The following GAS6 variants were observed in gnomAD, a reference collection of about 807,000 sequenced individuals.
GAS6 encodes growth arrest-specific protein 6.
GAS6 carries 41 observed loss-of-function variants against 75.8 expected under a neutral mutation model. The observed-to-expected ratio is 0.54, with a 90% CI of 0.42 to 0.70. GAS6 has a LOEUF of 0.70. Among genes scored for constraint, GAS6 ranks in the 30% least tolerant of loss-of-function variants. GAS6 has a pLI of 0.00. For missense variants in GAS6, 854 were observed against 940.2 expected (o/e 0.91, Z 1.20); for synonymous variants, 432 against 412.6 (o/e 1.05, Z -0.57).
At chr13:113,838,036 A>T (rs760269915) in intron 6 of GAS6, 33 bp downstream of exon 6, 1 of 1,608,614 alleles carries the variant, frequency 6.2e-7, no homozygotes, top group East Asian at 2.2e-5. Flanking sequence ...TGGGGAGAGG[A>T]GAGAGGAGAG....
intron 2 of GAS6, among the ~76,000 whole-genome samples, chr13:113,861,073 G>A (rs774378764): frequency 6.6e-6 from 1 of 151,684 alleles, no homozygotes; most frequent in Admixed American, 6.6e-5. Context: ...GCTGCACAGC[G>A]GGTGCTTCCG....
chr13:113,863,441 C>G lies in GAS6; in HGVS notation c.255+134G>C. On this transcript the variant is annotated intron_variant, in intron 2 of 14. Coordinates refer to ENST00000327773, the MANE Select transcript of GAS6 (RefSeq NM_000820.4). The surrounding 1 kb of genome is among the most constrained non-coding windows in gnomAD (Gnocchi z 9.4). ...ATGGGCGTGGGGGACGCGGGGCGGG[C>G]CGGGGCTCCTGGGACCCTGAGGCCA... is the stretch of plus-strand genomic sequence containing the variant. 3 of 824,280 alleles carry G rather than the reference C, an allele frequency of 3.6e-6. No homozygotes were observed. Among genetic ancestry groups the G allele is most frequent in the Non-Finnish European group, 5.0e-6 (3 of 602,728 alleles). 51.1% of individuals were successfully genotyped at this position (824,280 alleles called of 1,614,324 possible).
intron 4 of GAS6, 38 bp downstream of exon 4, chr13:113,846,487 CCA>C: frequency 6.3e-7 from 1 of 1,596,026 alleles, no homozygotes; most frequent in Non-Finnish European, 8.6e-7. Flanking sequence ...CCGCCCAAAC[CCA>C]CAGTGCTCCC....
At chr13:113,828,952 C>T (rs1343272623) in intron 10 of GAS6, among the ~76,000 whole-genome samples, 3 of 122,090 alleles carry the variant, frequency 2.5e-5, no homozygotes, top group African/African-American at 4.1e-5. Context: ...AAGAGGGTCC[C>T]GACCTCAGGG....
chr13:113,832,128 C>G (rs1404037991), intron 10 of GAS6, among the ~76,000 whole-genome samples, 171 bp downstream of exon 10: 1 of 150,328 alleles, frequency 6.7e-6, no homozygotes, highest in Non-Finnish European at 1.5e-5. Flanking sequence ...GGGCAGGGGT[C>G]CCCGTCTCCC....
At chr13:113,840,160 G>A in intron 4 of GAS6, 1 of 357,070 alleles carries the variant, frequency 2.8e-6, no homozygotes, top group South Asian at 3.4e-5. Flanking sequence ...AGGCCTGGGA[G>A]CTCAGACCTC....
At chr13:113,859,352 CTG>C (rs1329066273) in intron 2 of GAS6, among the ~76,000 whole-genome samples, 12 of 144,590 alleles carry the variant, frequency 8.3e-5, no homozygotes, top group South Asian at 2.3e-4. Flanking sequence ...GTGTACATGT[CTG>C]TGTGACTGTA....
At chr13:113,854,077 C>T (rs368562113) in intron 2 of GAS6, among the ~76,000 whole-genome samples, 2 of 152,216 alleles carry the variant, frequency 1.3e-5, no homozygotes, top group African/African-American at 2.4e-5. Context: ...TGCCCATCTG[C>T]ACCCAGGGTC....
At position 113,835,561 on chromosome 13, in the gene GAS6, G is replaced by A. The variant is rs1355739162; in HGVS notation, c.664C>T (p.Leu222Phe). 6.2e-7 allele frequency: 1 copy of A among 1,612,518 alleles called. No individual in the cohort carries two copies. The highest frequency in any genetic ancestry group is 1.3e-5 in the African/African-American group (1 of 74,936). The change falls in exon 7 of 15, where the codon CTC (leucine) becomes TTC (phenylalanine). Residue 222 changes from leucine (L) to phenylalanine (F), a missense_variant. Leu to Phe is a conservative substitution (Grantham distance 22, BLOSUM62 0). Transcript: ENST00000327773. ...CKNLPGSYSC[L>F]CDEGFAYSSQ... The stretch of plus-strand genomic sequence containing the variant: ...CTGTACGCAAAGCCCTCGTCACAGA[G>A]GCAGGAGTAGGAGCCGGGCAGGTTC...
intron 11 of GAS6, among the ~76,000 whole-genome samples, chr13:113,828,312 G>A (rs2051580543): frequency 6.6e-6 from 1 of 152,160 alleles, no homozygotes; most frequent in Non-Finnish European, 1.5e-5. Context: ...TTGAAAAATA[G>A]ACAACTTTAT....
At chr13:113,847,439 G>A (rs1378453201) in intron 3 of GAS6, among the ~76,000 whole-genome samples, 1 of 151,914 alleles carries the variant, frequency 6.6e-6, no homozygotes, top group Non-Finnish European at 1.5e-5. Flanking sequence ...CTAAGATGGT[G>A]TCAGTTAAAC....
In GAS6 at chr13:113,820,788, A is replaced by G; in HGVS notation, c.*76T>C. ...AAAGCCCAGCTCTCAGCATGGCCCC[A>G]CGTGGTGAGGAGCCCCCAGGCTCCT... is the stretch of plus-strand genomic sequence containing the variant. On this transcript the variant is annotated 3_prime_UTR_variant, in exon 15 of 15. Coordinates refer to ENST00000327773, the MANE Select transcript of GAS6 (RefSeq NM_000820.4). The G allele has an allele frequency of 6.7e-7, 1 of 1,483,890 alleles. No homozygotes were observed. Among genetic ancestry groups the G allele is most frequent in the Non-Finnish European group, 9.1e-7 (1 of 1,097,870 alleles). 91.9% of individuals were successfully genotyped at this position (1,483,890 alleles called of 1,614,324 possible). A position where few individuals can be genotyped will look rare whatever the true frequency, so the allele number is the denominator to read the frequency against.
At position 113,820,689 on chromosome 13, in the gene GAS6, A is replaced by G; in HGVS notation, c.*175T>C. 1.4e-6 allele frequency: 1 copy of G among 729,466 alleles called. No homozygotes were observed. The highest frequency in any genetic ancestry group is 2.2e-6 in the Non-Finnish European group (1 of 461,360). The allele number at this position is 729,466 out of a possible 1,614,324, so 45.2% of individuals were successfully genotyped here. A position where few individuals can be genotyped will look rare whatever the true frequency, so the allele number is the denominator to read the frequency against. On this transcript the variant is annotated 3_prime_UTR_variant, in exon 15 of 15. Coordinates refer to ENST00000327773, the MANE Select transcript of GAS6 (RefSeq NM_000820.4). ...CTCCCCGCGCCCGGGCCCACGGCTG[A>G]GTGCGCGGCGTCAGAGGCCCCAAGT...
At chr13:113,829,732 T>G (rs1011602857) in intron 10 of GAS6, among the ~76,000 whole-genome samples, 3 of 116,106 alleles carry the variant, frequency 2.6e-5, no homozygotes, top group Non-Finnish European at 5.3e-5. Context: ...AAGAGGGACC[T>G]GACCTCAGGG....
Position 113,822,186 on chromosome 13 carries a change from G to T in GAS6, c.1654C>A (p.Leu552Met). ...YHSTKKLKKQLVVLAVEHTAL... is the reference protein window; with the variant it reads ...YHSTKKLKKQMVVLAVEHTAL... ...GTATGCTCCACGGCCAGGACCACCA[G>T]CTGCAGGAGACCGAGGTGTGGTCAG... is the stretch of plus-strand genomic sequence containing the variant. The change falls in exon 14 of 15, where the codon CTG (leucine) becomes ATG (methionine). Residue 552 changes from leucine to methionine, a missense_variant and splice_region_variant. By Grantham distance (15) the Leu-to-Met change is conservative. Transcript: ENST00000327773. The T allele has an allele frequency of 6.5e-7, 1 of 1,539,360 alleles. No homozygotes were observed. Among genetic ancestry groups the T allele is most frequent in the Non-Finnish European group, 8.8e-7 (1 of 1,136,226 alleles).
chr13:113,823,573 T>C (rs759722080), intron 12 of GAS6, 23 bp from the exon 13 acceptor site: 1 of 1,596,258 alleles, frequency 6.3e-7, no homozygotes, highest in Non-Finnish European at 8.6e-7. Flanking sequence ...CGGTGCATTA[T>C]AGGGTGGTAT....
At chr13:113,838,032 G>C (rs1371000152) in intron 6 of GAS6, 37 bp downstream of exon 6, 22 of 1,607,582 alleles carry the variant, frequency 1.4e-5, no homozygotes, top group Non-Finnish European at 1.8e-5. Context: ...AAGGTGGGGA[G>C]AGGAGAGAGG....
chr13:113,857,890 C>T (rs1010555523), intron 2 of GAS6, among the ~76,000 whole-genome samples: 5 of 152,226 alleles, frequency 3.3e-5, no homozygotes, highest in Admixed American at 6.5e-5. Flanking sequence ...TGCAGACGCC[C>T]GGGTGAAAAC....
In GAS6 at chr13:113,863,652, GGCCCT is replaced by G; in HGVS notation, c.173_177del (p.Gln58ProfsTer59). Reference sequence around the variant, plus strand: ...TCCTCCACGCACTCCCTCTCCAGGTGGCCCTGCTTGGCCTCCTCGAAGACCTGAAA... The same window carrying G: ...TCCTCCACGCACTCCCTCTCCAGGTGGCTTGGCCTCCTCGAAGACCTGAAA... On this transcript the variant is annotated frameshift_variant, in exon 2 of 15. Coordinates refer to ENST00000327773, the MANE Select transcript of GAS6 (RefSeq NM_000820.4). LOFTEE classifies it high-confidence loss of function. The surrounding 1 kb of genome is among the most constrained non-coding windows in gnomAD (Gnocchi z 9.4). The G allele has an allele frequency of 6.6e-7, 1 of 1,523,440 alleles. No individual in the cohort carries two copies. Among genetic ancestry groups the G allele is most frequent in the South Asian group, 1.2e-5 (1 of 81,898 alleles). The allele number at this position is 1,523,440 out of a possible 1,614,324, so 94.4% of individuals were successfully genotyped here.
Sources: allele counts gnomAD v4.1 joint callset (sites outside exome capture counted in the v4.1 genomes callset), GRCh38; gene constraint gnomAD v4.1.1; non-coding constraint Gnocchi (gnomAD v3.1); transcripts MANE v1.5; gene names NCBI Gene and HGNC (gene_info 2026-07-23, HGNC 2026-07-21).